Variants in PARD3B observed in about 807,000 individuals in gnomAD.
The protein encoded by PARD3B is partitioning defective 3 homolog B.
PARD3B carries 103 observed loss-of-function variants against 130.2 expected under a neutral mutation model. The ratio of observed to expected loss-of-function variants is 0.79; its 90% CI spans 0.67 to 0.93. The LOEUF is 0.93. Ranked by LOEUF, PARD3B falls within the 40% of genes least tolerant of loss-of-function variation. The pLI, the probability that PARD3B is intolerant of heterozygous loss-of-function variation, is 0.00. For synonymous variants in PARD3B, 583 were observed against 553.2 expected (o/e 1.05, Z -0.76); for missense variants, 1,609 against 1,499.2 (o/e 1.07, Z -1.21).
rs377240893 is a variant in PARD3B, at chr2:205,555,394, C to A, written c.3260+1991C>A. Among the ~76,000 whole-genome samples the A allele has an allele frequency of 1.1e-4, 16 of 152,258 alleles. 1 individual carries two copies. The highest frequency in any genetic ancestry group is 3.6e-4 in the African/African-American group (15 of 41,564). On this transcript the variant is annotated intron_variant, in intron 22 of 22. Transcript: ENST00000406610. ...TTAGCAAAGGAGTCAAGCAAATCAG[C>A]CTTTTACAGTAGTACAACCAATGCT... is the stretch of plus-strand genomic sequence containing the variant.
chr2:205,181,115 A>G (rs1022026430), intron 13 of PARD3B, among the ~76,000 whole-genome samples: 27 of 152,068 alleles, frequency 1.8e-4, no homozygotes, highest in African/African-American at 6.5e-4. Flanking sequence ...ACTGCCCCCA[A>G]ATCTGCCCAG....
chr2:204,822,530 G>A (rs1349555158), intron 2 of PARD3B, among the ~76,000 whole-genome samples: 3 of 152,166 alleles, frequency 2.0e-5, no homozygotes, highest in African/African-American at 4.8e-5. Flanking sequence ...ATAAAAAATA[G>A]ATTTAATTCA....
intron 2 of PARD3B, among the ~76,000 whole-genome samples, chr2:204,957,914 T>C (rs1404619558): frequency 6.6e-6 from 1 of 152,200 alleles, no homozygotes; most frequent in Non-Finnish European, 1.5e-5. Flanking sequence ...ACTGGGTTTT[T>C]TTTTGTCTTT....
At position 205,021,594 on chromosome 2, in the gene PARD3B, T is replaced by TTC. The variant is rs372636581; in HGVS notation, c.395-25962_395-25961dup. On this transcript the variant is annotated intron_variant, in intron 3 of 22. Transcript: ENST00000406610. The surrounding 1 kb of genome is among the most constrained non-coding windows in gnomAD (Gnocchi z 4.5). ...TATGCTCTCTTCTCTCTCTCTTCTC[T>TTC]TCTCTCTCTCTCTCTCTCTCTCTCT... 4.7e-3 allele frequency among the ~76,000 whole-genome samples: 683 copies of TTC among 144,824 alleles called. 6 individuals are homozygous for TTC. Among genetic ancestry groups the TTC allele is most frequent in the South Asian group, 0.042 (187 of 4,420 alleles).
At chr2:204,587,493 T>G (rs1489625475) in intron 1 of PARD3B, among the ~76,000 whole-genome samples, 2 of 152,238 alleles carry the variant, frequency 1.3e-5, no homozygotes, top group Admixed American at 1.3e-4. Context: ...ATGAAGATAT[T>G]TGCATTGCTT....
chr2:205,116,169 A>G lies in PARD3B; in HGVS notation c.680+2592A>G, dbSNP rs188895347. On this transcript the variant is annotated intron_variant, in intron 6 of 22. Coordinates refer to ENST00000406610, the MANE Select transcript of PARD3B (RefSeq NM_001302769.2). The surrounding 1 kb of genome is among the most constrained non-coding windows in gnomAD (Gnocchi z 4.5). ...AAAAAACACCAAAGTTCTTGCAACT[A>G]AAATGCAACTTAATTTTATTCAGAT... Among the ~76,000 whole-genome samples, 75 of 152,328 alleles carry G rather than the reference A, an allele frequency of 4.9e-4. 1 individual carries two copies. Among genetic ancestry groups the G allele is most frequent in the Admixed American group, 8.5e-4 (13 of 15,294 alleles).
chr2:205,306,244 G>A lies in PARD3B; in HGVS notation c.2630+4543G>A, dbSNP rs2042179023. ...AGCCTAACAACTCCTTGAACACCTT[G>A]GTTTTAGCCCTGTTGTGTTCTTTGA... On this transcript the variant is annotated intron_variant, in intron 18 of 22. Transcript: ENST00000406610. Among the ~76,000 whole-genome samples the A allele has an allele frequency of 2.6e-5, 4 of 152,212 alleles. No individual in the cohort carries two copies. In the South Asian group the frequency reaches 6.2e-4, roughly 24 times the overall value.
chr2:204,883,453 A>ATT lies in PARD3B; in HGVS notation c.223-81698_223-81697insTT, dbSNP rs1255418062. On this transcript the variant is annotated intron_variant, in intron 2 of 22. Transcript: ENST00000406610. ...ATATAAAATATATATATATATATATATATTTTTTTTTTTGAGACAGAGTCT... is the reference window on the plus strand; with the variant it reads ...ATATAAAATATATATATATATATATATTTATTTTTTTTTTTGAGACAGAGTCT... Among the ~76,000 whole-genome samples, 267 of 97,976 alleles carry ATT rather than the reference A, an allele frequency of 2.7e-3. 7 individuals carry two copies. The highest frequency in any genetic ancestry group is 0.013 in the African/African-American group (238 of 18,776). The allele number at this position is 97,976 out of a possible 152,430, so 64.3% of individuals were successfully genotyped here.
rs2046384547 is a variant in PARD3B at position 205,405,359 on chromosome 2, A to G, written c.2741+4236A>G. Among the ~76,000 whole-genome samples, 1 of 152,198 alleles carries G rather than the reference A, an allele frequency of 6.6e-6. No homozygotes were observed. Among genetic ancestry groups the G allele is most frequent in the African/African-American group, 2.4e-5 (1 of 41,454 alleles). ...ATGCACAGGACAGCTACCCTCCCCC[A>G]CAACATGAATCATCCAACCCAAAAT... On this transcript the variant is annotated intron_variant, in intron 19 of 22. Transcript: ENST00000406610. The surrounding 1 kb of genome is among the most constrained non-coding windows in gnomAD (Gnocchi z 4.1).
chr2:205,057,757 G>GTA, intron 4 of PARD3B, among the ~76,000 whole-genome samples: 1 of 148,944 alleles, frequency 6.7e-6, no homozygotes, highest in South Asian at 2.1e-4. Flanking sequence ...ATGTATGTGT[G>GTA]TATATATACA....
intron 20 of PARD3B, among the ~76,000 whole-genome samples, chr2:205,487,787 G>A (rs2049503170): frequency 6.6e-6 from 1 of 152,152 alleles, no homozygotes; most frequent in South Asian, 2.1e-4. Context: ...TGTCAGATAT[G>A]TATTCTTAAA....
At position 204,579,756 on chromosome 2, in the gene PARD3B, G is replaced by C. The variant is rs181498583; in HGVS notation, c.120+33637G>C. 3.2e-3 allele frequency among the ~76,000 whole-genome samples: 485 copies of C among 152,324 alleles called. 14 individuals are homozygous for C. Among genetic ancestry groups the C allele is most frequent in the Admixed American group, 0.025 (383 of 15,300 alleles). ...CAAGCTCATTCCTCCCCTCTACCCA[G>C]GGTGGACCCCTGTGTGGGGGATGGG... On this transcript the variant is annotated intron_variant, in intron 1 of 22. Transcript: ENST00000406610.
At chr2:204,843,419 T>G (rs1311464560) in intron 2 of PARD3B, among the ~76,000 whole-genome samples, 1 of 152,070 alleles carries the variant, frequency 6.6e-6, no homozygotes, top group Non-Finnish European at 1.5e-5. Context: ...TTTTCTTTTT[T>G]TTCTCCATTG....
intron 1 of PARD3B, among the ~76,000 whole-genome samples, chr2:204,661,745 A>G (rs1273967756): frequency 1.3e-5 from 2 of 152,188 alleles, no homozygotes; most frequent in Non-Finnish European, 2.9e-5. Flanking sequence ...TTTTTATGAG[A>G]AAATAACTAT....
intron 11 of PARD3B, among the ~76,000 whole-genome samples, chr2:205,171,603 C>T (rs2035176775): frequency 6.6e-6 from 1 of 152,194 alleles, no homozygotes; most frequent in African/African-American, 2.4e-5. Context: ...CAAGCTTTTC[C>T]ACCAGAAAAT....
rs2040179041 is a variant in PARD3B at position 205,258,393 on chromosome 2, GTTCT to G, written c.2185+12577_2185+12580del. Among the ~76,000 whole-genome samples the G allele has an allele frequency of 6.6e-6, 1 of 152,152 alleles. No homozygotes were observed. The highest frequency in any genetic ancestry group is 6.5e-5 in the Admixed American group (1 of 15,270). On this transcript the variant is annotated intron_variant, in intron 16 of 22. Coordinates refer to ENST00000406610, the MANE Select transcript of PARD3B (RefSeq NM_001302769.2). This position sits in a 1 kb window ranked among gnomAD's most constrained non-coding sequence, Gnocchi z 4.9. ...CTCTGATTCAATTCTCAGGTCAAAT[GTTCT>G]TTCTTCAAAGACAATTTCTGTGACC...
chr2:205,490,564 A>G (rs1378739492), intron 20 of PARD3B, among the ~76,000 whole-genome samples: 10 of 152,246 alleles, frequency 6.6e-5, no homozygotes, highest in Admixed American at 4.6e-4. Context: ...AAGTGCTGTA[A>G]TAAACATACG....
chr2:205,494,214 T>G (rs2049841841), intron 20 of PARD3B, among the ~76,000 whole-genome samples: 1 of 152,196 alleles, frequency 6.6e-6, no homozygotes, highest in Admixed American at 6.5e-5. Flanking sequence ...CAGAAACAGC[T>G]GTTTGAAATC....
At chr2:205,163,602 A>G (rs576919437) in intron 11 of PARD3B, among the ~76,000 whole-genome samples, 2 of 152,310 alleles carry the variant, frequency 1.3e-5, no homozygotes, top group African/African-American at 4.8e-5. Flanking sequence ...TAAACTCTAA[A>G]TTTTTGGAGA....
Sources: allele counts gnomAD v4.1 joint callset (sites outside exome capture counted in the v4.1 genomes callset), GRCh38; gene constraint gnomAD v4.1.1; non-coding constraint Gnocchi (gnomAD v3.1); transcripts MANE v1.5; gene names NCBI Gene and HGNC (gene_info 2026-07-23, HGNC 2026-07-21).